PDXDC1: variants seen among roughly 807,000 people sequenced by gnomAD.
The protein encoded by PDXDC1 is pyridoxal dependent decarboxylase domain containing 1, also known as pyridoxal-dependent decarboxylase domain-containing protein 1.
Under a neutral mutation model 100.1 loss-of-function variants are expected in PDXDC1, and 42 were observed. The observed-to-expected ratio is 0.42, with a 90% CI of 0.33 to 0.54. PDXDC1 has a LOEUF of 0.54. Ranked by LOEUF, PDXDC1 falls within the 20% of genes least tolerant of loss-of-function variation. PDXDC1 has a pLI of 0.10. For synonymous variants in PDXDC1, 260 were observed against 371.7 expected (o/e 0.70, Z 3.46); for missense variants, 636 against 979.2 (o/e 0.65, Z 4.68).
At chr16:15,054,194 C>G (rs2044408004) in intron 16 of PDXDC1, among the ~76,000 whole-genome samples, 2 of 152,238 alleles carry the variant, frequency 1.3e-5, no homozygotes, top group South Asian at 4.1e-4. Context: ...TCAAATCTCT[C>G]TCGTGCCTGC....
chr16:15,149,257 T>C, the PDXDC1 span, among the ~76,000 whole-genome samples: 1 of 152,316 alleles, frequency 6.6e-6, no homozygotes, highest in South Asian at 2.1e-4. Flanking sequence ...CTGGGGGTCC[T>C]TCCAGGCCAG....
At chr16:15,072,526 G>A (rs1474837120) in intron 16 of PDXDC1, among the ~76,000 whole-genome samples, 2 of 152,118 alleles carry the variant, frequency 1.3e-5, no homozygotes, top group Non-Finnish European at 2.9e-5. Context: ...CGTGGGCCAG[G>A]CACAGTTGTT....
At chr16:15,130,377 C>T in intron 16 of PDXDC1, 5 of 1,572,734 alleles carry the variant, frequency 3.2e-6, no homozygotes, top group Non-Finnish European at 4.3e-6. Context: ...CGTGTACAGG[C>T]CCACGGACAC....
downstream of PDXDC1, among the ~76,000 whole-genome samples, chr16:15,043,087 A>C (rs1189852054): frequency 6.6e-6 from 1 of 151,978 alleles, no homozygotes; most frequent in Non-Finnish European, 1.5e-5. Flanking sequence ...TTTAGTAGAG[A>C]CGGGGTTTCT....
chr16:15,091,771 C>T (rs2046138877), intron 16 of PDXDC1, among the ~76,000 whole-genome samples: 1 of 152,174 alleles, frequency 6.6e-6, no homozygotes, highest in African/African-American at 2.4e-5. Context: ...AACATTTTCC[C>T]TCTACTGCTG....
intron 16 of PDXDC1, chr16:15,055,999 A>T: frequency 8.5e-7 from 1 of 1,181,212 alleles, no homozygotes; most frequent in Non-Finnish European, 1.1e-6. Context: ...AGGCAGGCCC[A>T]GGGAGGCGGC....
chr16:15,126,830 G>T (rs977549516), intron 16 of PDXDC1: 3 of 167,826 alleles, frequency 1.8e-5, no homozygotes, highest in African/African-American at 2.4e-5. Flanking sequence ...CTAAGTTTTT[G>T]TATTTGTAGT....
chr16:15,151,424 CAAAAAAAA>C, the PDXDC1 span, among the ~76,000 whole-genome samples: 7 of 14,444 alleles, frequency 4.8e-4, no homozygotes, highest in Admixed American at 2.2e-3. Flanking sequence ...GACTCCGTCT[CAAAAAAAA>C]AAAAAAAAAA....
At chr16:15,098,676 C>T (rs1440422628) in intron 16 of PDXDC1, among the ~76,000 whole-genome samples, 4 of 151,650 alleles carry the variant, frequency 2.6e-5, no homozygotes, top group Admixed American at 2.0e-4. Flanking sequence ...GTCGGGAGTT[C>T]GAGACCAGCC....
chr16:15,005,800 AGCGAT>A, intron 5 of PDXDC1, among the ~76,000 whole-genome samples: 1 of 152,390 alleles, frequency 6.6e-6, no homozygotes, highest in Admixed American at 6.5e-5. Context: ...CCTGGGTTCA[AGCGAT>A]TCTCCTGCCT....
intron 1 of PDXDC1, among the ~76,000 whole-genome samples, chr16:14,983,550 G>A (rs1224712094): frequency 7.2e-6 from 1 of 138,052 alleles, no homozygotes; most frequent in Non-Finnish European, 1.5e-5. Flanking sequence ...TCCAGCCTAG[G>A]CGACAGAGCA....
chr16:15,110,151 A>G (rs1019882990), intron 16 of PDXDC1, among the ~76,000 whole-genome samples: 2 of 149,962 alleles, frequency 1.3e-5, no homozygotes, highest in Admixed American at 1.3e-4. Flanking sequence ...ATCTCAGGAA[A>G]AAAAAAAAAA....
In PDXDC1 at chr16:15,079,979, T is replaced by C. The variant is rs1218967597; in HGVS notation, c.1399+49923T>C. On this transcript the variant is annotated intron_variant, in intron 16 of 16. Transcript: ENST00000535621. ...TCAAGTCAGTAAATGAAAATAAAAA[T>C]AGATTACTCAATACTTACATCCAAC... is the stretch of plus-strand genomic sequence containing the variant. 12 of 1,571,512 alleles carry C rather than the reference T, an allele frequency of 7.6e-6. No homozygotes were observed. The Admixed American group carries it at 1.9e-4, about 25-fold the overall frequency.
At chr16:15,147,929 C>G in the PDXDC1 span, among the ~76,000 whole-genome samples, 1 of 152,006 alleles carries the variant, frequency 6.6e-6, no homozygotes, top group Admixed American at 6.6e-5. Flanking sequence ...TTGTGATCCC[C>G]CCACCTTGGC....
intron 16 of PDXDC1, among the ~76,000 whole-genome samples, chr16:15,120,932 C>A (rs1598168818): frequency 4.3e-5 from 1 of 23,428 alleles, no homozygotes. Context: ...CACTGCACTT[C>A]AGCCTGGGTG....
chr16:14,986,690 C>G (rs1251451392), intron 1 of PDXDC1, among the ~76,000 whole-genome samples: 1 of 152,294 alleles, frequency 6.6e-6, no homozygotes, highest in Non-Finnish European at 1.5e-5. Flanking sequence ...TAGTATCTAT[C>G]AGAAAATGTG....
At chr16:15,034,886 G>A (rs765081823) in intron 21 of PDXDC1, among the ~76,000 whole-genome samples, 15 of 152,180 alleles carry the variant, frequency 9.9e-5, no homozygotes, top group Admixed American at 3.9e-4. Flanking sequence ...GTCTTCATGT[G>A]TGTTCTGCCC....
At chr16:15,099,225 C>A (rs2046457967) in intron 16 of PDXDC1, among the ~76,000 whole-genome samples, 2 of 151,976 alleles carry the variant, frequency 1.3e-5, no homozygotes, top group African/African-American at 4.8e-5. Flanking sequence ...GAGTTCAAGA[C>A]CAGCTGGGCC....
intron 1 of PDXDC1, among the ~76,000 whole-genome samples, chr16:14,984,523 ACT>A (rs547123676): frequency 0.053 from 5,791 of 110,216 alleles, 83 homozygotes; most frequent in Admixed American, 0.14. Flanking sequence ...TCTGAGACGG[ACT>A]CTCACCCTGT....
Sources: allele counts gnomAD v4.1 joint callset (sites outside exome capture counted in the v4.1 genomes callset), GRCh38; gene constraint gnomAD v4.1.1; transcripts MANE v1.5; gene names NCBI Gene and HGNC (gene_info 2026-07-23, HGNC 2026-07-21).